NFX1: variants seen among roughly 807,000 people sequenced by gnomAD.
NFX1 encodes transcriptional repressor NF-X1.
A neutral mutation model predicts 137.2 loss-of-function variants in NFX1; 69 were observed. The observed-to-expected ratio is 0.50, with a 90% CI of 0.41 to 0.61. NFX1 has a LOEUF of 0.61. Among genes scored for constraint, NFX1 ranks in the 20% least tolerant of loss-of-function variants. The pLI is 0.00. For synonymous variants in NFX1, 495 were observed against 474.1 expected (o/e 1.04, Z -0.57); for missense variants, 1,167 against 1,391.0 (o/e 0.84, Z 2.56).
At chr9:33,308,153 A>G (rs1821828083) in intron 5 of NFX1, among the ~76,000 whole-genome samples, 1 of 152,118 alleles carries the variant, frequency 6.6e-6, no homozygotes, top group African/African-American at 2.4e-5. Flanking sequence ...TGTAGATTAT[A>G]TCCATAAGCC....
intron 12 of NFX1, among the ~76,000 whole-genome samples, chr9:33,342,429 T>C (rs2118575841): frequency 6.6e-6 from 1 of 152,306 alleles, no homozygotes. Context: ...TCCACTGCAC[T>C]CCAGCCTGGG....
intron 7 of NFX1, among the ~76,000 whole-genome samples, chr9:33,316,738 G>A (rs762217638): frequency 1.3e-5 from 2 of 151,982 alleles, no homozygotes; most frequent in Non-Finnish European, 2.9e-5. Context: ...CTGGCAACAG[G>A]GTCCTTTGGT....
At chr9:33,311,274 TA>T in intron 6 of NFX1, 97 bp downstream of exon 6, 2 of 1,118,298 alleles carry the variant, frequency 1.8e-6, no homozygotes, top group Non-Finnish European at 2.7e-6. Flanking sequence ...TAGATACAAA[TA>T]AATGGTAGGC....
At chr9:33,362,882 T>C (rs1395724089) in intron 19 of NFX1, among the ~76,000 whole-genome samples, 2 of 151,972 alleles carry the variant, frequency 1.3e-5, no homozygotes, top group African/African-American at 4.8e-5. Flanking sequence ...TTTTGTGTTT[T>C]TAGTAGAGAC....
rs116311556 is a variant in NFX1 at position 33,352,979 on chromosome 9, G to T, written c.2729+260G>T. The T allele has an allele frequency of 2.9e-3, 1,014 of 353,258 alleles. 12 individuals carry two copies. The highest frequency in any genetic ancestry group is 0.019 in the African/African-American group (899 of 47,234). The allele number at this position is 353,258 out of a possible 1,614,324, so 21.9% of individuals were successfully genotyped here. ...AGAGGGGTCTCGCCCTGTTTCCCAG[G>T]CTGGTCTCCCACCTTGGCCTCCCAA... is the stretch of plus-strand genomic sequence containing the variant. On this transcript the variant is annotated intron_variant, in intron 17 of 23. Coordinates refer to ENST00000379540, the MANE Select transcript of NFX1 (RefSeq NM_002504.6).
At chr9:33,303,110 TTCC>T in intron 3 of NFX1, 78 bp from the exon 4 acceptor site, 1 of 1,070,942 alleles carries the variant, frequency 9.3e-7, no homozygotes, top group Non-Finnish European at 1.4e-6. Context: ...ATATTGTGTC[TTCC>T]TATAGATTTA....
chr9:33,342,740 T>C lies in NFX1; in HGVS notation c.2116-6T>C. On this transcript the variant is annotated splice_polypyrimidine_tract_variant and splice_region_variant and intron_variant, in intron 12 of 23. Transcript: ENST00000379540. The stretch of plus-strand genomic sequence containing the variant: ...TTTATGAACAAATATAAATCTCTTT[T>C]CCCAGGATAAGGAGCACAAGTGTCC... The C allele has an allele frequency of 6.3e-7, 1 of 1,593,164 alleles. No individual in the cohort carries two copies. Among genetic ancestry groups the C allele is most frequent in the African/African-American group, 1.3e-5 (1 of 74,222 alleles).
chr9:33,322,341 C>T (rs1004104369), intron 9 of NFX1, among the ~76,000 whole-genome samples: 6 of 151,874 alleles, frequency 4.0e-5, no homozygotes, highest in African/African-American at 1.5e-4. Context: ...GTTCCTTCCT[C>T]CTCCCCTCAG....
At chr9:33,340,136 T>G (rs1444457556) in intron 12 of NFX1, among the ~76,000 whole-genome samples, 1 of 152,260 alleles carries the variant, frequency 6.6e-6, no homozygotes, top group Non-Finnish European at 1.5e-5. Context: ...CACATTTCCC[T>G]TCTGTACTGC....
intron 23 of NFX1, among the ~76,000 whole-genome samples, chr9:33,368,738 A>G (rs1328383600): frequency 6.6e-6 from 1 of 152,202 alleles, no homozygotes. Flanking sequence ...TTCCTGCACA[A>G]AACCTCTGAA....
At position 33,366,716 on chromosome 9, in the gene NFX1, C is replaced by A; in HGVS notation, c.3127C>A (p.Leu1043Met). ...CCATGACTTGGCCCAAGTTTATGGC[C>A]TGGAGAGCGTGAGCTATGACAGTGA... ...IIHDLAQVYG[L>M]ESVSYDSEPK... The change falls in exon 22 of 24, where the codon CTG becomes ATG. Residue 1043 changes from leucine (L) to methionine (M), a missense_variant. By Grantham distance (15) the Leu-to-Met change is conservative (BLOSUM62 2). Transcript: ENST00000379540. 1 of 1,614,210 alleles carries A rather than the reference C, an allele frequency of 6.2e-7. No homozygotes were observed. Among genetic ancestry groups the A allele is most frequent in the Non-Finnish European group, 8.5e-7 (1 of 1,180,044 alleles).
chr9:33,307,627 C>T (rs1821799059), intron 5 of NFX1, among the ~76,000 whole-genome samples: 1 of 152,162 alleles, frequency 6.6e-6, no homozygotes, highest in South Asian at 2.1e-4. Context: ...CATTACACTG[C>T]TTGCTTCTAA....
At chr9:33,347,748 ATTC>A in intron 15 of NFX1, 1 of 359,874 alleles carries the variant, frequency 2.8e-6, no homozygotes. Flanking sequence ...TAGCAGCACA[ATTC>A]ACAATTGCAA....
chr9:33,298,634 A>G lies in NFX1; in HGVS notation c.1034-2629A>G, dbSNP rs1204452896. Among the ~76,000 whole-genome samples, 3 of 152,298 alleles carry G rather than the reference A, an allele frequency of 2.0e-5. No homozygotes were observed. The East Asian group carries it at 5.8e-4, about 29-fold the overall frequency. On this transcript the variant is annotated intron_variant, in intron 2 of 23. Coordinates refer to ENST00000379540, the MANE Select transcript of NFX1 (RefSeq NM_002504.6). Reference sequence around the variant, plus strand: ...CTCTGCAAAAGGCAAAAAAATAAAAATTAGCTGGACGTGGTGGCACATGCC... The same window carrying G: ...CTCTGCAAAAGGCAAAAAAATAAAAGTTAGCTGGACGTGGTGGCACATGCC...
At chr9:33,319,399 CT>C (rs1397265801) in intron 9 of NFX1, among the ~76,000 whole-genome samples, 4 of 152,278 alleles carry the variant, frequency 2.6e-5, no homozygotes, top group Admixed American at 6.5e-5. Flanking sequence ...TATGATTTCT[CT>C]TAGGAGCCTG....
chr9:33,363,907 T>G (rs535070978), intron 19 of NFX1, 103 bp from the exon 20 acceptor site: 73 of 635,782 alleles, frequency 1.1e-4, no homozygotes, highest in Non-Finnish European at 1.6e-4. Flanking sequence ...AAAATAGAGA[T>G]AAATAATGTG....
At chr9:33,313,898 G>A (rs931693382) in intron 7 of NFX1, 105 bp downstream of exon 7, 18 of 1,173,342 alleles carry the variant, frequency 1.5e-5, no homozygotes, top group Non-Finnish European at 2.2e-5. Context: ...TAGTCACAAA[G>A]ACCTTGAGTA....
chr9:33,318,744 C>T lies in NFX1; in HGVS notation c.1602C>T (p.Gly534=). ...TTTCTCTTCAAGTATGCTATTGCGGCAGCACCTCCCGAGATGTGTTATGTG... is the reference window on the plus strand; with the variant it reads ...TTTCTCTTCAAGTATGCTATTGCGGTAGCACCTCCCGAGATGTGTTATGTG... ...QIILNQVCYC[G]STSRDVLCGT... The change falls in exon 8 of 24, where the codon GGC becomes GGT. Residue 534 remains glycine (G), a synonymous_variant. Coordinates refer to ENST00000379540, the MANE Select transcript of NFX1 (RefSeq NM_002504.6). The T allele has an allele frequency of 6.2e-7, 1 of 1,614,142 alleles. No homozygotes were observed. The highest frequency in any genetic ancestry group is 8.5e-7 in the Non-Finnish European group (1 of 1,180,010).
chr9:33,341,988 C>T (rs1823239027), intron 12 of NFX1, among the ~76,000 whole-genome samples: 1 of 151,696 alleles, frequency 6.6e-6, no homozygotes, highest in African/African-American at 2.4e-5. Context: ...TTGTTGTGGG[C>T]ACCTGTAATC....
Sources: gnomAD v4.1 joint callset for allele counts (sites outside exome capture counted in the v4.1 genomes callset) on GRCh38, gnomAD v4.1.1 for gene constraint, MANE v1.5 for transcripts, NCBI Gene and HGNC (gene_info 2026-07-23, HGNC 2026-07-21) for gene names.